NSUN3: variants seen among roughly 807,000 people sequenced by gnomAD.
NSUN3 encodes the protein NOP2/Sun RNA methyltransferase 3.
NSUN3 carries 24 observed loss-of-function variants against 36.8 expected under a neutral mutation model. That is an observed-to-expected ratio of 0.65 (90% CI 0.47 to 0.92). NSUN3 has a LOEUF of 0.92. NSUN3 is among the 40% of genes least tolerant of loss of function. The probability of loss-of-function intolerance (pLI) is 0.00; values close to 1 mark genes in which losing one functional copy is unlikely to be tolerated. For synonymous variants in NSUN3, 146 were observed against 145.2 expected (o/e 1.01, Z -0.04); for missense variants, 381 against 392.8 (o/e 0.97, Z 0.25).
chr3:94,102,211 A>AAC (rs1446383460), intron 5 of NSUN3, among the ~76,000 whole-genome samples: 2 of 150,948 alleles, frequency 1.3e-5, no homozygotes, highest in African/African-American at 4.9e-5. Flanking sequence ...TTAAAAAAAA[A>AAC]AAAAAAAAAA....
intron 2 of NSUN3, among the ~76,000 whole-genome samples, chr3:94,069,468 T>G (rs1358124367): frequency 6.6e-6 from 1 of 152,222 alleles, no homozygotes; most frequent in Admixed American, 6.5e-5. Flanking sequence ...CTTTTTTAGC[T>G]ATGGAAATTT....
rs1241578365 is a variant in NSUN3, at chr3:94,130,725, T to G, written c.*4235T>G. On this transcript the variant is annotated 3_prime_UTR_variant, in exon 6 of 6. Coordinates refer to ENST00000314622, the MANE Select transcript of NSUN3 (RefSeq NM_022072.5). ...GTGTCAGGGGTACAGCTCACAGGCT[T>G]TCAGTTTGGCCACAGCTGAATGATT... Among the ~76,000 whole-genome samples the G allele has an allele frequency of 6.6e-6, 1 of 152,096 alleles. No individual in the cohort carries two copies. Among genetic ancestry groups the G allele is most frequent in the African/African-American group, 2.4e-5 (1 of 41,410 alleles).
At chr3:94,089,187 G>A (rs1402708737) in intron 3 of NSUN3, among the ~76,000 whole-genome samples, 1 of 152,118 alleles carries the variant, frequency 6.6e-6, no homozygotes, top group Non-Finnish European at 1.5e-5. Context: ...ATCCTTTGCA[G>A]CACTTTTTTT....
intron 5 of NSUN3, among the ~76,000 whole-genome samples, chr3:94,122,919 T>A (rs1258293334): frequency 6.6e-6 from 1 of 152,192 alleles, no homozygotes; most frequent in Non-Finnish European, 1.5e-5. Flanking sequence ...ATAAGTGGTG[T>A]ATATTGTTTA....
intron 3 of NSUN3, chr3:94,085,149 A>T (rs1178575732): frequency 6.6e-6 from 1 of 152,206 alleles, no homozygotes; most frequent in East Asian, 1.9e-4. Flanking sequence ...ATAGTATTGG[A>T]CAATCCAAAA....
At chr3:94,081,796 T>A (rs2077270081) in intron 2 of NSUN3, 1 of 152,176 alleles carries the variant, frequency 6.6e-6, no homozygotes. Flanking sequence ...TTGGAAAAAT[T>A]GACTGCAATA....
At chr3:94,110,156 C>A (rs1288093622) in intron 5 of NSUN3, among the ~76,000 whole-genome samples, 1 of 152,096 alleles carries the variant, frequency 6.6e-6, no homozygotes, top group Admixed American at 6.5e-5. Flanking sequence ...CTTAGAAGTG[C>A]ATGAATAAGG....
At position 94,131,141 on chromosome 3, in the gene NSUN3, C is replaced by G. The variant is rs1482635557; in HGVS notation, c.*4651C>G. 6.6e-6 allele frequency among the ~76,000 whole-genome samples: 1 copy of G among 151,934 alleles called. No individual in the cohort carries two copies. The highest frequency in any genetic ancestry group is 1.5e-5 in the Non-Finnish European group (1 of 67,988). ...GTGACCTCACCAGGCTGGTTTCAAA[C>G]CCCTGGCCTCAAGTGATCCTCCCAC... is the stretch of plus-strand genomic sequence containing the variant. On this transcript the variant is annotated 3_prime_UTR_variant, in exon 6 of 6. Coordinates refer to ENST00000314622, the MANE Select transcript of NSUN3 (RefSeq NM_022072.5).
At position 94,084,241 on chromosome 3, in the gene NSUN3, C is replaced by T; in HGVS notation, c.257C>T (p.Pro86Leu). The change falls in exon 3 of 6, where the codon CCT becomes CTT. Residue 86 changes from proline (P) to leucine (L), a missense_variant. By Grantham distance (98) the Pro-to-Leu change is moderately conservative (BLOSUM62 -3). Transcript: ENST00000314622. ...TLSQGSLPNY[P>L]KSVKCYLSRT... ...TCTCAGGGATCTTTACCCAACTATC[C>T]TAAATCAGTGAAGTGTTACCTTAGC... 1.2e-6 allele frequency: 2 copies of T among 1,614,078 alleles called. No homozygotes were observed. The highest frequency in any genetic ancestry group is 1.7e-6 in the Non-Finnish European group (2 of 1,180,006).
rs1033930280 is a variant in NSUN3 at position 94,128,433 on chromosome 3, A to T, written c.*1943A>T. The T allele has an allele frequency of 1.3e-5, 2 of 151,860 alleles. No individual in the cohort carries two copies. The highest frequency in any genetic ancestry group is 6.6e-5 in the Admixed American group (1 of 15,230). The allele number at this position is 151,860 out of a possible 1,614,324, so 9.4% of individuals were successfully genotyped here. ...TTTTATGTAGGTTAATCACAGAGTAAATCTGCACACTGTACTTTGTTAAAT... is the reference window on the plus strand; with the variant it reads ...TTTTATGTAGGTTAATCACAGAGTATATCTGCACACTGTACTTTGTTAAAT... On this transcript the variant is annotated 3_prime_UTR_variant, in exon 6 of 6. Transcript: ENST00000314622.
Position 94,092,411 on chromosome 3 carries a change from T to C in NSUN3, c.467-1729T>C, listed in dbSNP as rs576741373. Among the ~76,000 whole-genome samples the C allele has an allele frequency of 7.6e-4, 115 of 152,312 alleles. 1 individual carries two copies. Among genetic ancestry groups the C allele is most frequent in the African/African-American group, 2.7e-3 (113 of 41,576 alleles). ...ATTGCACCCTGTCCATACCATGAAC[T>C]TCTGTCTTACATTGTTTTCTAGTGA... On this transcript the variant is annotated intron_variant, in intron 3 of 5. Coordinates refer to ENST00000314622, the MANE Select transcript of NSUN3 (RefSeq NM_022072.5).
At chr3:94,095,278 G>C (rs1370712102) in intron 5 of NSUN3, 124 bp downstream of exon 5, 15 of 936,672 alleles carry the variant, frequency 1.6e-5, no homozygotes, top group Middle Eastern at 2.3e-4. Context: ...TCCTCCAAAG[G>C]CTACACTCAA....
At chr3:94,080,269 G>A (rs35772508) in intron 2 of NSUN3, among the ~76,000 whole-genome samples, 12,355 of 152,192 alleles carry the variant, frequency 0.081, 618 homozygotes, top group Middle Eastern at 0.19. Context: ...AGATTGTTGC[G>A]TGTTCTGTCC....
chr3:94,112,897 C>G (rs750244346), intron 5 of NSUN3, among the ~76,000 whole-genome samples: 12 of 151,998 alleles, frequency 7.9e-5, no homozygotes, highest in Non-Finnish European at 2.9e-5. Flanking sequence ...CGGAGTCTTG[C>G]TCTGTGGCCC....
chr3:94,108,750 A>C (rs955381244), intron 5 of NSUN3, among the ~76,000 whole-genome samples: 18 of 151,532 alleles, frequency 1.2e-4, no homozygotes, highest in African/African-American at 1.5e-4. Flanking sequence ...ACTAAGGCGG[A>C]GGCCTCCCGG....
intron 5 of NSUN3, among the ~76,000 whole-genome samples, chr3:94,101,414 G>T (rs763663575): frequency 2.0e-5 from 3 of 151,582 alleles, no homozygotes; most frequent in Non-Finnish European, 2.9e-5. Context: ...TAGTTTTCTG[G>T]TTTTTTTTAA....
At chr3:94,126,105 A>C in intron 5 of NSUN3, 106 bp from the exon 6 acceptor site, 1 of 876,420 alleles carries the variant, frequency 1.1e-6, no homozygotes, top group Non-Finnish European at 1.7e-6. Flanking sequence ...ATTGCAGTCT[A>C]AGTCAGAGTA....
At chr3:94,117,591 A>C (rs1005344097) in intron 5 of NSUN3, among the ~76,000 whole-genome samples, 1 of 152,210 alleles carries the variant, frequency 6.6e-6, no homozygotes, top group Non-Finnish European at 1.5e-5. Context: ...AGATTTGGGG[A>C]AAGTTGTATA....
rs777996868 is a variant in NSUN3 at position 94,094,143 on chromosome 3, A to T, written c.470A>T (p.Tyr157Phe). Residue 157 changes from tyrosine to phenylalanine, a missense_variant, in exon 4 of 6, where the codon TAT (tyrosine) becomes TTT (phenylalanine). By Grantham distance (22) the Tyr-to-Phe change is conservative. Coordinates refer to ENST00000314622, the MANE Select transcript of NSUN3 (RefSeq NM_022072.5). Reference protein sequence around the residue: ...IALLQCACPGYLHCNEYDSLR... With the variant: ...IALLQCACPGFLHCNEYDSLR... Reference sequence around the variant, plus strand: ...CTTTTTAATCCTTTTTATTTAGGTTATCTTCATTGTAATGAATATGATAGT... The same window carrying T: ...CTTTTTAATCCTTTTTATTTAGGTTTTCTTCATTGTAATGAATATGATAGT... 1.7e-5 allele frequency: 27 copies of T among 1,592,570 alleles called. No individual in the cohort carries two copies. The highest frequency in any genetic ancestry group is 2.3e-5 in the Non-Finnish European group (27 of 1,172,198).
Sources: gnomAD v4.1 joint callset for allele counts (sites outside exome capture counted in the v4.1 genomes callset) on GRCh38, gnomAD v4.1.1 for gene constraint, MANE v1.5 for transcripts, NCBI Gene and HGNC (gene_info 2026-07-23, HGNC 2026-07-21) for gene names.